The following TDRD5 variants were observed in gnomAD, a reference collection of about 807,000 sequenced individuals.
The protein encoded by TDRD5 is tudor domain-containing protein 5.
TDRD5 carries 41 observed loss-of-function variants against 120.6 expected under a neutral mutation model. The ratio of observed to expected loss-of-function variants is 0.34; its 90% confidence interval spans 0.26 to 0.44. The LOEUF (loss-of-function observed/expected upper bound fraction) is 0.44, where lower values mean the gene tolerates loss of function less well. Ranked by LOEUF, TDRD5 falls within the 20% of genes least tolerant of loss-of-function variation. TDRD5 has a pLI of 1.00. For synonymous variants in TDRD5, 430 were observed against 433.7 expected, an observed-to-expected ratio of 0.99 and a Z score of 0.11; for missense variants, 1,006 against 1,221.2, an observed-to-expected ratio of 0.82 and a Z score of 2.63.
chr1:179,626,506 A>AG (rs1379655566), intron 6 of TDRD5, among the ~76,000 whole-genome samples: 1 of 152,180 alleles, frequency 6.6e-6, no homozygotes, highest in Non-Finnish European at 1.5e-5. Context: ...GGTAAACTTA[A>AG]GTTGTGTGCA....
chr1:179,642,112 T>C (rs1320277705), intron 11 of TDRD5, among the ~76,000 whole-genome samples: 1 of 152,006 alleles, frequency 6.6e-6, no homozygotes, highest in Non-Finnish European at 1.5e-5. Context: ...TTTTCTTTTT[T>C]TTTTTGGAGA....
chr1:179,619,696 C>G (rs1676746796), intron 5 of TDRD5, among the ~76,000 whole-genome samples: 1 of 151,634 alleles, frequency 6.6e-6, no homozygotes, highest in Non-Finnish European at 1.5e-5. Context: ...AATCATAGCT[C>G]ACTGCAACCA....
chr1:179,652,244 A>T (rs745695045), intron 13 of TDRD5, 47 bp downstream of exon 13: 3 of 1,514,436 alleles, frequency 2.0e-6, no homozygotes, highest in South Asian at 2.6e-5. Flanking sequence ...TATTACTGTA[A>T]TCCTCATTTT....
rs369631506 is a variant in TDRD5, at chr1:179,687,161, G to C, written c.2861-3535G>C. On this transcript the variant is annotated intron_variant, in intron 17 of 17. Coordinates refer to ENST00000444136, the MANE Select transcript of TDRD5 (RefSeq NM_001199085.3). ...GGGTGTCAATTTTAGATCTTTCCTG[G>C]TTTCTCTTGTGGGCATTTAGTGCTA... is the stretch of plus-strand genomic sequence containing the variant. Among the ~76,000 whole-genome samples, 6 of 151,770 alleles carry C rather than the reference G, an allele frequency of 4.0e-5. No homozygotes were observed. The South Asian group carries it at 6.2e-4, about 16-fold the overall frequency.
At position 179,639,911 on chromosome 1, in the gene TDRD5, C is replaced by T. The variant is rs767122099; in HGVS notation, c.1593C>T (p.Leu531=). The change falls in exon 10 of 18, where the codon CTC becomes CTT. Residue 531 remains leucine, a synonymous_variant. Transcript: ENST00000444136. ...AATGTTTTATTCAGCCGGGACATCT[C>T]TGTTGTGTAAGGATTTCTGAGGATA... ...MPECFIQPGH[L]CCVRISEDKW... The T allele has an allele frequency of 2.2e-5, 36 of 1,614,004 alleles. No individual in the cohort carries two copies. Among genetic ancestry groups the T allele is most frequent in the Non-Finnish European group, 2.9e-5 (34 of 1,180,018 alleles).
Position 179,649,158 on chromosome 1 carries a change from C to T in TDRD5, c.1801-1709C>T, listed in dbSNP as rs569141303. Reference sequence around the variant, plus strand: ...TGTTTTTAAAATTTTCTATTAGTCGCTCCTGTTCTTCAGTATTGGTGTGGT... The same window carrying T: ...TGTTTTTAAAATTTTCTATTAGTCGTTCCTGTTCTTCAGTATTGGTGTGGT... On this transcript the variant is annotated intron_variant, in intron 11 of 17. Transcript: ENST00000444136. Among the ~76,000 whole-genome samples the T allele has an allele frequency of 2.0e-5, 3 of 152,128 alleles. No homozygotes were observed. The South Asian group carries it at 6.2e-4, about 32-fold the overall frequency.
At chr1:179,603,450 C>G (rs888069743) in intron 4 of TDRD5, among the ~76,000 whole-genome samples, 1 of 152,082 alleles carries the variant, frequency 6.6e-6, no homozygotes, top group Admixed American at 6.6e-5. Flanking sequence ...TCTTTGTCAT[C>G]TTCCAGCTCT....
At chr1:179,622,131 C>A (rs1193924552) in intron 6 of TDRD5, among the ~76,000 whole-genome samples, 2 of 152,180 alleles carry the variant, frequency 1.3e-5, no homozygotes, top group Non-Finnish European at 2.9e-5. Flanking sequence ...GCACTTAGAA[C>A]AGTGCCTGGC....
At chr1:179,615,502 C>G (rs1362762167) in intron 4 of TDRD5, among the ~76,000 whole-genome samples, 2 of 152,092 alleles carry the variant, frequency 1.3e-5, no homozygotes, top group Non-Finnish European at 2.9e-5. Context: ...AAGCTCCTAT[C>G]TGAATATAGC....
At chr1:179,608,194 TG>T (rs1412704959) in intron 4 of TDRD5, among the ~76,000 whole-genome samples, 2 of 151,988 alleles carry the variant, frequency 1.3e-5, no homozygotes, top group African/African-American at 4.8e-5. Context: ...TTTTTCCCTC[TG>T]ATGCTTTCAG....
chr1:179,626,374 A>G (rs891550939), intron 6 of TDRD5, among the ~76,000 whole-genome samples: 1 of 152,136 alleles, frequency 6.6e-6, no homozygotes, highest in East Asian at 1.9e-4. Context: ...TCTATGGTGG[A>G]AAAAAAGTTT....
At chr1:179,618,923 CATCCCAATAG>C (rs1676702272) in intron 5 of TDRD5, among the ~76,000 whole-genome samples, 1 of 152,160 alleles carries the variant, frequency 6.6e-6, no homozygotes, top group Non-Finnish European at 1.5e-5. Flanking sequence ...TTCTTCCCCT[CATCCCAATAG>C]ATCACTGTTG....
chr1:179,656,420 T>C (rs1324132750), intron 14 of TDRD5, among the ~76,000 whole-genome samples: 1 of 152,196 alleles, frequency 6.6e-6, no homozygotes, highest in Non-Finnish European at 1.5e-5. Context: ...CATACAGAAG[T>C]TTTTAATTTT....
chr1:179,686,290 A>G (rs962715370), intron 17 of TDRD5, among the ~76,000 whole-genome samples: 4 of 152,172 alleles, frequency 2.6e-5, no homozygotes, highest in Non-Finnish European at 4.4e-5. Flanking sequence ...TTCTGCATCT[A>G]TTGAGATAAT....
chr1:179,635,926 T>C, intron 9 of TDRD5, 39 bp downstream of exon 9: 1 of 1,576,200 alleles, frequency 6.3e-7, no homozygotes, highest in Non-Finnish European at 8.7e-7. Context: ...TTCACATGTC[T>C]CTTAAATCAA....
At chr1:179,652,653 C>T (rs1162131930) in intron 13 of TDRD5, among the ~76,000 whole-genome samples, 1 of 138,320 alleles carries the variant, frequency 7.2e-6, no homozygotes, top group Non-Finnish European at 1.7e-5. Flanking sequence ...AAAGCATTCA[C>T]ATGTGTTAAC....
chr1:179,641,845 A>T (rs1485263297), intron 11 of TDRD5, among the ~76,000 whole-genome samples: 1 of 152,188 alleles, frequency 6.6e-6, no homozygotes. Flanking sequence ...ATTGTTTGAC[A>T]TTCAAACTGA....
At chr1:179,611,230 T>C (rs1310344055) in intron 4 of TDRD5, among the ~76,000 whole-genome samples, 6 of 152,092 alleles carry the variant, frequency 3.9e-5, no homozygotes, top group Admixed American at 3.3e-4. Context: ...TTGGTATTTT[T>C]TGGTAGAGAT....
chr1:179,608,903 G>A (rs1676134591), intron 4 of TDRD5, among the ~76,000 whole-genome samples: 1 of 152,004 alleles, frequency 6.6e-6, no homozygotes, highest in Non-Finnish European at 1.5e-5. Context: ...CTTTTAAGCT[G>A]TATTAGAGTG....
Sources: allele counts gnomAD v4.1 joint callset (sites outside exome capture counted in the v4.1 genomes callset), GRCh38; gene constraint gnomAD v4.1.1; transcripts MANE v1.5; gene names NCBI Gene and HGNC (gene_info 2026-07-23, HGNC 2026-07-21).